The following ACKR3 variants were observed in gnomAD, a reference collection of about 807,000 sequenced individuals.
The protein encoded by ACKR3 is atypical chemokine receptor 3.
In ACKR3, 6 loss-of-function variants were observed where a neutral mutation model predicts 22.4. The ratio of observed to expected loss-of-function variants is 0.27; its 90% CI spans 0.15 to 0.53. The LOEUF (loss-of-function observed/expected upper bound fraction) is 0.53. ACKR3 is among the 20% of genes least tolerant of loss of function. The pLI is 0.96. For missense variants in ACKR3, 396 were observed against 475.2 expected (o/e 0.83, Z 1.55); for synonymous variants, 209 against 205.2 (o/e 1.02, Z -0.16).
chr2:236,574,985 A>G lies in ACKR3; in HGVS notation c.-27+5061A>G, dbSNP rs142758280. Among the ~76,000 whole-genome samples, 3 of 152,248 alleles carry G rather than the reference A, an allele frequency of 2.0e-5. No individual in the cohort carries two copies. The highest frequency in any genetic ancestry group is 7.2e-5 in the African/African-American group (3 of 41,540). ...GGAAAGTTCTCTCCCTGTCACTGCAACGTGCGACAGGGCCGCTAAAAAGGT... is the reference window on the plus strand; with the variant it reads ...GGAAAGTTCTCTCCCTGTCACTGCAGCGTGCGACAGGGCCGCTAAAAAGGT... On this transcript the variant is annotated intron_variant, in intron 1 of 1. Transcript: ENST00000272928. The surrounding 1 kb of genome is among the most constrained non-coding windows in gnomAD (Gnocchi z 5.6).
chr2:236,578,193 C>G (rs2004993), intron 1 of ACKR3, among the ~76,000 whole-genome samples: 19,103 of 152,210 alleles, frequency 0.13, 1,842 homozygotes, highest in African/African-American at 0.27. Flanking sequence ...AAGGCACGGC[C>G]TGGGGTTGCC....
chr2:236,537,186 C>T, the ACKR3 span, among the ~76,000 whole-genome samples: 5 of 152,298 alleles, frequency 3.3e-5, no homozygotes, highest in Admixed American at 6.5e-5. Flanking sequence ...CTGTGGCAAG[C>T]GGTCTACTAA....
chr2:236,546,883 T>C, the ACKR3 span, among the ~76,000 whole-genome samples: 1 of 152,272 alleles, frequency 6.6e-6, no homozygotes, highest in Non-Finnish European at 1.5e-5. The surrounding 1 kb of genome is among the most constrained non-coding windows in gnomAD (Gnocchi z 4.9). Context: ...TTGGCTTCTC[T>C]CTAAGAGCTG....
the ACKR3 span, among the ~76,000 whole-genome samples, chr2:236,560,244 G>A: frequency 1.3e-5 from 2 of 150,172 alleles, no homozygotes; most frequent in Non-Finnish European, 1.5e-5. Context: ...CATAGTGGCT[G>A]CACCATTTTG....
chr2:236,560,928 G>A, the ACKR3 span, among the ~76,000 whole-genome samples: 1 of 152,168 alleles, frequency 6.6e-6, no homozygotes, highest in Non-Finnish European at 1.5e-5. Flanking sequence ...CAGGTGAATG[G>A]ATAAAGGAAA....
At chr2:236,547,838 AT>A in the ACKR3 span, among the ~76,000 whole-genome samples, 6,451 of 139,464 alleles carry the variant, frequency 0.046, 159 homozygotes, top group South Asian at 0.072. Context: ...TCTTTCATTC[AT>A]TTTTTTTTTT....
At chr2:236,556,924 T>C in the ACKR3 span, among the ~76,000 whole-genome samples, 1 of 152,252 alleles carries the variant, frequency 6.6e-6, no homozygotes, top group African/African-American at 2.4e-5. Context: ...CTGACCTCAG[T>C]TGATCCCCCC....
the ACKR3 span, among the ~76,000 whole-genome samples, chr2:236,555,248 A>T: frequency 3.3e-5 from 5 of 152,010 alleles, no homozygotes; most frequent in Non-Finnish European, 7.4e-5. Flanking sequence ...TACACATCTT[A>T]CCTCTGTGAC....
In ACKR3 at chr2:236,581,539, G is replaced by A. The variant is rs1574979448; in HGVS notation, c.1074G>A (p.Glu358=). The part of the protein sequence containing the change: ...RVSETEYSAL[E]QSTK ...CAGAGACGGAGTACTCTGCCTTGGA[G>A]CAGAGCACCAAATGATCTGCCCTGG... The change falls in exon 2 of 2, where the codon GAG becomes GAA. Residue 358 remains glutamate (E), a synonymous_variant. Coordinates refer to ENST00000272928, the MANE Select transcript of ACKR3 (RefSeq NM_020311.3). The surrounding 1 kb of genome is among the most constrained non-coding windows in gnomAD (Gnocchi z 4.4). 2 of 1,613,548 alleles carry A rather than the reference G, an allele frequency of 1.2e-6. No individual in the cohort carries two copies. Among genetic ancestry groups the A allele is most frequent in the African/African-American group, 2.7e-5 (2 of 74,924 alleles).
chr2:236,567,846 G>A (rs1691218751), upstream of ACKR3: 1 of 153,110 alleles, frequency 6.5e-6, no homozygotes, highest in African/African-American at 2.4e-5. Flanking sequence ...CCGTGCGTGA[G>A]TGCGGAACAA....
upstream of ACKR3, among the ~76,000 whole-genome samples, chr2:236,567,333 C>G (rs537362992): frequency 6.6e-6 from 1 of 152,126 alleles, no homozygotes; most frequent in African/African-American, 2.4e-5. Context: ...TCCCATGCCG[C>G]GTGAAACTTG....
At chr2:236,547,338 C>A in the ACKR3 span, among the ~76,000 whole-genome samples, 8,753 of 152,188 alleles carry the variant, frequency 0.058, 765 homozygotes, top group African/African-American at 0.19. Flanking sequence ...CAGGTCCTAA[C>A]TGAGAAATGT....
upstream of ACKR3, among the ~76,000 whole-genome samples, chr2:236,568,307 CG>C (rs1381018982): frequency 6.6e-6 from 1 of 152,196 alleles, no homozygotes; most frequent in Non-Finnish European, 1.5e-5. Context: ...AGGGGATCCC[CG>C]TACATTTCCA....
At chr2:236,560,598 T>C in the ACKR3 span, among the ~76,000 whole-genome samples, 2 of 152,204 alleles carry the variant, frequency 1.3e-5, no homozygotes, top group Non-Finnish European at 2.9e-5. Flanking sequence ...ACCAGATAAA[T>C]GGTTTGCACA....
chr2:236,576,959 T>C (rs1691424073), intron 1 of ACKR3, among the ~76,000 whole-genome samples: 1 of 152,244 alleles, frequency 6.6e-6, no homozygotes, highest in South Asian at 2.1e-4. Flanking sequence ...ATCTCCCTTT[T>C]CACTGTACTT....
At chr2:236,541,833 T>C in the ACKR3 span, among the ~76,000 whole-genome samples, 1 of 152,088 alleles carries the variant, frequency 6.6e-6, no homozygotes, top group African/African-American at 2.4e-5. Flanking sequence ...TAAATGGGAG[T>C]TCCCCTGCAC....
upstream of ACKR3, among the ~76,000 whole-genome samples, chr2:236,568,005 C>A (rs550889248): frequency 2.6e-5 from 4 of 152,224 alleles, no homozygotes; most frequent in African/African-American, 4.8e-5. Flanking sequence ...GGGCAGGGCG[C>A]AGGCTGCTGC....
rs748988996 is a variant in ACKR3, at chr2:236,580,837, C to A, written c.372C>A (p.Phe124Leu). 2 of 1,614,232 alleles carry A rather than the reference C, an allele frequency of 1.2e-6. No homozygotes were observed. Among genetic ancestry groups the A allele is most frequent in the Non-Finnish European group, 1.7e-6 (2 of 1,180,050 alleles). The change falls in exon 2 of 2, where the codon TTC becomes TTA. Residue 124 changes from phenylalanine (F) to leucine (L), a missense_variant. Coordinates refer to ENST00000272928, the MANE Select transcript of ACKR3 (RefSeq NM_020311.3). The stretch of plus-strand genomic sequence containing the variant: ...CGTGCAAAGTCACACACCTCATCTT[C>A]TCCATCAACCTCTTCGGCAGCATTT... The part of the protein sequence containing the change: ...ELTCKVTHLI[F>L]SINLFGSIFF...
chr2:236,556,791 T>C, the ACKR3 span, among the ~76,000 whole-genome samples: 3,413 of 152,284 alleles, frequency 0.022, 106 homozygotes, highest in African/African-American at 0.078. Flanking sequence ...CAGGTTCAAG[T>C]GATTCTCCTG....
Sources: allele counts gnomAD v4.1 joint callset (sites outside exome capture counted in the v4.1 genomes callset), GRCh38; gene constraint gnomAD v4.1.1; non-coding constraint Gnocchi (gnomAD v3.1); transcripts MANE v1.5; gene names NCBI Gene and HGNC (gene_info 2026-07-23, HGNC 2026-07-21).